Variants in TRIM36 observed in about 807,000 individuals in gnomAD.
The protein encoded by TRIM36 is tripartite motif containing 36.
In TRIM36, 42 loss-of-function variants were observed where a neutral mutation model predicts 72.4. That is an observed-to-expected ratio of 0.58 (90% CI 0.45 to 0.75). TRIM36 has a LOEUF of 0.75. TRIM36 is among the 30% of genes least tolerant of loss of function. The probability of loss-of-function intolerance (pLI) is 0.00; values close to 1 mark genes in which losing one functional copy is unlikely to be tolerated. For synonymous variants in TRIM36, 315 were observed against 282.8 expected (o/e 1.11, Z -1.14); for missense variants, 913 against 857.1 (o/e 1.07, Z -0.81).
intron 1 of TRIM36, among the ~76,000 whole-genome samples, chr5:115,165,182 G>A (rs931357964): frequency 6.6e-5 from 10 of 152,170 alleles, no homozygotes; most frequent in African/African-American, 2.2e-4. Context: ...TTTCCCAGGC[G>A]CATGATGAAA....
At chr5:115,168,862 T>A (rs1754927745) in intron 1 of TRIM36, 2 of 152,272 alleles carry the variant, frequency 1.3e-5, no homozygotes, top group Non-Finnish European at 2.9e-5. Flanking sequence ...AGTTCAGGTT[T>A]ACTTGTCACT....
rs142262004 is a variant in TRIM36 at position 115,134,742 on chromosome 5, G to A, written c.1211-595C>T. ...TTTTTAGTAGAAACAGGGTTTCACC[G>A]TGTTAGCCAGGATGTTCTCGATCTC... On this transcript the variant is annotated intron_variant, in intron 7 of 9. Coordinates refer to ENST00000513154, the MANE Select transcript of TRIM36 (RefSeq NM_001300759.2). Among the ~76,000 whole-genome samples the A allele has an allele frequency of 2.7e-3, 406 of 152,166 alleles. 2 individuals are homozygous for A. The highest frequency in any genetic ancestry group is 4.6e-3 in the Non-Finnish European group (310 of 67,994).
At chr5:115,149,844 C>T (rs188854132) in intron 2 of TRIM36, among the ~76,000 whole-genome samples, 5,152 of 152,078 alleles carry the variant, frequency 0.034, 178 homozygotes, top group African/African-American at 0.087. Context: ...CTGCAAGCTC[C>T]GCCTCCCGGG....
rs1458357741 is a variant in TRIM36, at chr5:115,144,696, C to T, written c.637G>A (p.Glu213Lys). ...HETERINMYC[E>K]LCRRPVCHLC... is the part of the protein sequence containing the mutation. ...TGGCAAACTGGCCTCCTACATAATT[C>T]ACAGTACATGTTTATTCTCTCTGTT... is the stretch of plus-strand genomic sequence containing the variant. The change falls in exon 4 of 10, where the codon GAA becomes AAA. Residue 213 changes from glutamate (E) to lysine (K), a missense_variant. By Grantham distance (56) the Glu-to-Lys change is moderately conservative. Coordinates refer to ENST00000513154, the MANE Select transcript of TRIM36 (RefSeq NM_001300759.2). 1 of 1,613,994 alleles carries T rather than the reference C, an allele frequency of 6.2e-7. No individual in the cohort carries two copies. Among genetic ancestry groups the T allele is most frequent in the Non-Finnish European group, 8.5e-7 (1 of 1,180,018 alleles).
In TRIM36 at chr5:115,163,769, T is replaced by C; in HGVS notation, c.28-17A>G. ...AATGGTAACCTTGAGAGTAAAATAG[T>C]CCAAGTTAAAGGCTCTTAGTGGGTA... On this transcript the variant is annotated splice_polypyrimidine_tract_variant and intron_variant, in intron 1 of 9. Coordinates refer to ENST00000513154, the MANE Select transcript of TRIM36 (RefSeq NM_001300759.2). 2 of 1,606,474 alleles carry C rather than the reference T, an allele frequency of 1.2e-6. No homozygotes were observed. The highest frequency in any genetic ancestry group is 1.7e-6 in the Non-Finnish European group (2 of 1,173,326).
At chr5:115,148,604 T>C (rs949250040) in intron 2 of TRIM36, among the ~76,000 whole-genome samples, 1 of 151,806 alleles carries the variant, frequency 6.6e-6, no homozygotes, top group Admixed American at 6.6e-5. Context: ...AGAGATGGGG[T>C]TTCACCATCT....
At chr5:115,131,263 T>A in intron 8 of TRIM36, among the ~76,000 whole-genome samples, 1 of 152,176 alleles carries the variant, frequency 6.6e-6, no homozygotes, top group Non-Finnish European at 1.5e-5. Flanking sequence ...TCATAAATAG[T>A]TCTACATTTT....
chr5:115,147,810 G>A (rs1400932481), intron 2 of TRIM36, among the ~76,000 whole-genome samples: 1 of 152,078 alleles, frequency 6.6e-6, no homozygotes, highest in East Asian at 1.9e-4. Flanking sequence ...GAAATGAATC[G>A]ATACATAAAA....
rs1051609041 is a variant in TRIM36, at chr5:115,125,768, A to G, written c.*735T>C. ...CTGAAAAAAAGTATATAAAGTGAGA[A>G]GTTTAATGTGTTAGCTGAGAACTTT... On this transcript the variant is annotated 3_prime_UTR_variant, in exon 10 of 10. Coordinates refer to ENST00000513154, the MANE Select transcript of TRIM36 (RefSeq NM_001300759.2). 6.6e-6 allele frequency: 1 copy of G among 152,150 alleles called. No homozygotes were observed. Among genetic ancestry groups the G allele is most frequent in the Admixed American group, 6.5e-5 (1 of 15,270 alleles). 9.4% of individuals were successfully genotyped at this position (152,150 alleles called of 1,614,324 possible). A position where few individuals can be genotyped will look rare whatever the true frequency, so the allele number is the denominator to read the frequency against.
In TRIM36 at chr5:115,137,584, A is replaced by C; in HGVS notation, c.864T>G (p.Ile288Met). The change falls in exon 6 of 10, where the codon ATT becomes ATG. Residue 288 changes from isoleucine to methionine, a missense_variant. Coordinates refer to ENST00000513154, the MANE Select transcript of TRIM36 (RefSeq NM_001300759.2). ...CNGERAKEEAITHFEKLFEVL... is the reference protein window; with the variant it reads ...CNGERAKEEAMTHFEKLFEVL... ...CTTCAAAGAGCTTTTCAAAATGTGTAATTGCTTCTTCTTTAGCCCTCTCTC... is the reference window on the plus strand; with the variant it reads ...CTTCAAAGAGCTTTTCAAAATGTGTCATTGCTTCTTCTTTAGCCCTCTCTC... 1.2e-6 allele frequency: 2 copies of C among 1,612,200 alleles called. No homozygotes were observed. The highest frequency in any genetic ancestry group is 1.7e-6 in the Non-Finnish European group (2 of 1,179,378).
chr5:115,160,961 G>A (rs1198841089), intron 2 of TRIM36, among the ~76,000 whole-genome samples: 2 of 152,120 alleles, frequency 1.3e-5, no homozygotes, highest in Non-Finnish European at 2.9e-5. Context: ...ATAAATAGAT[G>A]GCAAGTAACA....
intron 1 of TRIM36, among the ~76,000 whole-genome samples, chr5:115,176,586 A>G (rs542667285): frequency 6.6e-6 from 1 of 152,360 alleles, no homozygotes; most frequent in Admixed American, 6.5e-5. Flanking sequence ...ATTTACACAT[A>G]AATGTAAATA....
intron 2 of TRIM36, among the ~76,000 whole-genome samples, chr5:115,162,234 T>C (rs11741851): frequency 0.035 from 5,342 of 152,294 alleles, 137 homozygotes; most frequent in Non-Finnish European, 0.052. Context: ...TCTAACTTCG[T>C]AGGGTTCTTC....
intron 2 of TRIM36, among the ~76,000 whole-genome samples, chr5:115,149,808 G>T (rs1561434554): frequency 6.6e-6 from 1 of 152,028 alleles, no homozygotes; most frequent in East Asian, 1.9e-4. Context: ...GTCCAGGCTG[G>T]AGTGCAGTGG....
At chr5:115,150,738 AG>A (rs1372810627) in intron 2 of TRIM36, among the ~76,000 whole-genome samples, 1 of 152,214 alleles carries the variant, frequency 6.6e-6, no homozygotes, top group East Asian at 1.9e-4. Context: ...GAACTGGGAA[AG>A]GGAGATTGTC....
intron 1 of TRIM36, among the ~76,000 whole-genome samples, chr5:115,166,522 T>C (rs1221523527): frequency 6.6e-6 from 1 of 152,206 alleles, no homozygotes; most frequent in East Asian, 1.9e-4. Flanking sequence ...TCCTGAGAGC[T>C]ACTCTTTTGC....
At chr5:115,131,211 T>C (rs891743239) in intron 8 of TRIM36, among the ~76,000 whole-genome samples, 4 of 152,214 alleles carry the variant, frequency 2.6e-5, no homozygotes, top group Non-Finnish European at 5.9e-5. Flanking sequence ...TTTGTTCTTT[T>C]ATCTTTATTA....
intron 3 of TRIM36, among the ~76,000 whole-genome samples, chr5:115,145,854 A>G (rs950412965): frequency 6.6e-6 from 1 of 152,242 alleles, no homozygotes; most frequent in Non-Finnish European, 1.5e-5. Flanking sequence ...TTTAAAATAA[A>G]ATACAAAGTT....
chr5:115,169,203 G>C (rs984889566), intron 1 of TRIM36: 7 of 180,486 alleles, frequency 3.9e-5, no homozygotes, highest in African/African-American at 1.4e-4. Context: ...CCGGGCCCGC[G>C]GGGGTCAAGA....
Sources: gnomAD v4.1 joint callset for allele counts (sites outside exome capture counted in the v4.1 genomes callset) on GRCh38, gnomAD v4.1.1 for gene constraint, MANE v1.5 for transcripts, NCBI Gene and HGNC (gene_info 2026-07-23, HGNC 2026-07-21) for gene names.